The following DMD variants were observed in gnomAD, a reference collection of about 807,000 sequenced individuals.
DMD encodes the protein dystrophin, also known as mutant dystrophin.
In DMD, 63 loss-of-function variants were observed where a neutral mutation model predicts 330.1. The observed-to-expected ratio is 0.19, with a 90% confidence interval of 0.16 to 0.24. The LOEUF is 0.24. DMD is among the 10% of genes least tolerant of loss of function. The pLI is 1.00. For missense variants in DMD, 3,344 were observed against 2,684.1 expected (o/e 1.25, Z -5.43); for synonymous variants, 1,223 against 959.8 (o/e 1.27, Z -5.07).
chrX:31,543,348 T>C, intron 55 of DMD, among the ~76,000 whole-genome samples: 1 of 109,876 alleles, frequency 9.1e-6, no homozygotes, highest in Admixed American at 9.7e-5. Context: ...TTTTTGTATT[T>C]TTAGTAGAGA....
chrX:31,659,639 G>GGAAAAAAAAAAAAAAAAAAAAAAAAA (rs1829079513), intron 53 of DMD, among the ~76,000 whole-genome samples: 1 of 39,982 alleles, frequency 2.5e-5, no homozygotes, highest in Non-Finnish European at 4.7e-5. Context: ...CTCCATCTCG[G>GGAAAAAAAAAAAAAAAAAAAAAAAAA]AAAAAAAAAA....
intron 1 of DMD, among the ~76,000 whole-genome samples, chrX:33,276,983 TTGTG>T (rs1298240833): frequency 3.6e-5 from 4 of 112,148 alleles, no homozygotes; most frequent in African/African-American, 9.7e-5. Context: ...ACGTATACAT[TTGTG>T]TGTGTATGTG....
At chrX:32,481,572 C>G (rs1297341906) in intron 21 of DMD, among the ~76,000 whole-genome samples, 1 of 111,268 alleles carries the variant, frequency 9.0e-6, no homozygotes, top group African/African-American at 3.3e-5. Flanking sequence ...CCTTTCTGGC[C>G]TCCCTTATGT....
chrX:32,911,344 C>T (rs2149336552), intron 2 of DMD, among the ~76,000 whole-genome samples: 1 of 111,656 alleles, frequency 9.0e-6, no homozygotes, highest in Non-Finnish European at 1.9e-5. Context: ...GGCTGTGCTC[C>T]CAAGTTATCC....
chrX:33,212,564 CAG>C (rs1162635067), upstream of DMD, among the ~76,000 whole-genome samples: 1 of 111,692 alleles, frequency 9.0e-6, no homozygotes, highest in Non-Finnish European at 1.9e-5. Flanking sequence ...GTTAAAGTGA[CAG>C]ACTCATTTTT....
intron 1 of DMD, among the ~76,000 whole-genome samples, chrX:33,123,213 C>G (rs2095435879): frequency 1.8e-5 from 2 of 111,763 alleles, no homozygotes; most frequent in South Asian, 7.4e-4. Context: ...TGTAAGTACA[C>G]TCTGTGACAT....
rs777411257 is a variant in DMD, at chrX:32,455,725, T to C, written c.3433-893A>G. ...TCATGAGAGATTAAATTATGACATATATATACTATGGGATACTGTGCATCA... is the reference window on the plus strand; with the variant it reads ...TCATGAGAGATTAAATTATGACATACATATACTATGGGATACTGTGCATCA... On this transcript the variant is annotated intron_variant, in intron 25 of 78. Transcript: ENST00000357033. Among the ~76,000 whole-genome samples the C allele has an allele frequency of 7.2e-5, 8 of 111,328 alleles. No homozygotes were observed. The South Asian group carries it at 2.9e-3, about 41-fold the overall frequency.
intron 1 of DMD, among the ~76,000 whole-genome samples, chrX:33,314,739 T>C (rs2053908916): frequency 9.2e-6 from 1 of 109,042 alleles, no homozygotes; most frequent in Non-Finnish European, 1.9e-5. Context: ...GCAAGCAGTA[T>C]AGCATCTTCC....
At chrX:32,156,440 A>C (rs968411068) in intron 44 of DMD, among the ~76,000 whole-genome samples, 20 of 112,350 alleles carry the variant, frequency 1.8e-4, no homozygotes, top group Admixed American at 3.8e-4. Context: ...AATACTTAGA[A>C]AGTTTGTTGA....
intron 2 of DMD, among the ~76,000 whole-genome samples, chrX:32,959,443 A>G (rs1435651161): frequency 9.0e-6 from 1 of 111,322 alleles, no homozygotes; most frequent in Non-Finnish European, 1.9e-5. Flanking sequence ...TGTCTTGAGG[A>G]TTTTATCATT....
intron 47 of DMD, among the ~76,000 whole-genome samples, chrX:31,894,186 C>T (rs1455411796): frequency 8.9e-6 from 1 of 112,167 alleles, no homozygotes; most frequent in African/African-American, 3.2e-5. Flanking sequence ...TAGAACCTAA[C>T]AAAGCAATTT....
intron 47 of DMD, among the ~76,000 whole-genome samples, chrX:31,922,293 C>T (rs1333650511): frequency 6.3e-5 from 7 of 111,363 alleles, no homozygotes; most frequent in African/African-American, 2.3e-4. Context: ...CCTTTCCGTC[C>T]CTCCACCCCA....
intron 1 of DMD, among the ~76,000 whole-genome samples, chrX:33,121,315 C>T (rs1413145443): frequency 9.2e-6 from 1 of 109,260 alleles, no homozygotes. Flanking sequence ...ACCGAAACCT[C>T]CGCCTCCCAG....
intron 63 of DMD, among the ~76,000 whole-genome samples, chrX:31,242,391 G>A (rs746189398): frequency 3.2e-4 from 34 of 107,926 alleles, no homozygotes; most frequent in Non-Finnish European, 4.4e-4. Context: ...GAATATCTTG[G>A]CCCTACATTT....
chrX:33,314,292 CTGT>C (rs2053894398), intron 1 of DMD, among the ~76,000 whole-genome samples: 1 of 110,210 alleles, frequency 9.1e-6, no homozygotes, highest in South Asian at 3.9e-4. Context: ...CTCAGTCACT[CTGT>C]CGCCCAGGCT....
intron 48 of DMD, among the ~76,000 whole-genome samples, chrX:31,837,842 G>A (rs971070735): frequency 6.3e-5 from 7 of 111,825 alleles, no homozygotes; most frequent in African/African-American, 9.8e-5. Flanking sequence ...TGCAATTTAC[G>A]GGTGCTCAGC....
chrX:31,675,669 C>A (rs1035412857), intron 53 of DMD, among the ~76,000 whole-genome samples: 1 of 111,300 alleles, frequency 9.0e-6, no homozygotes, highest in Admixed American at 9.6e-5. Context: ...CCTCACCATT[C>A]TTTTTTTCTA....
chrX:31,204,173 G>C, intron 66 of DMD, 55 bp from the exon 67 acceptor site: 1 of 1,083,516 alleles, frequency 9.2e-7, no homozygotes, highest in East Asian at 3.0e-5. Flanking sequence ...ATGGATGCCA[G>C]CAGAACCTGA....
intron 74 of DMD, among the ~76,000 whole-genome samples, chrX:31,163,397 A>C (rs918353161): frequency 2.7e-5 from 3 of 111,380 alleles, no homozygotes; most frequent in African/African-American, 6.5e-5. Flanking sequence ...AGGCCTTCCC[A>C]GCCACACGGA....
Sources: allele counts gnomAD v4.1 joint callset (sites outside exome capture counted in the v4.1 genomes callset), GRCh38; gene constraint gnomAD v4.1.1; transcripts MANE v1.5; gene names NCBI Gene and HGNC (gene_info 2026-07-23, HGNC 2026-07-21).